CEP162: variants seen among roughly 807,000 people sequenced by gnomAD.
The protein encoded by CEP162 is centrosomal protein 162.
Under a neutral mutation model 169.2 loss-of-function variants are expected in CEP162, and 141 were observed. The observed-to-expected ratio is 0.83, with a 90% CI of 0.73 to 0.96. The LOEUF (loss-of-function observed/expected upper bound fraction) is 0.96, where lower values mean the gene tolerates loss of function less well. Among genes scored for constraint, CEP162 ranks in the 40% least tolerant of loss-of-function variants. CEP162 has a pLI of 0.00. For missense variants in CEP162, 1,600 were observed against 1,587.2 expected (o/e 1.01, Z -0.14); for synonymous variants, 540 against 526.4 (o/e 1.03, Z -0.35).
At chr6:84,145,578 G>A (rs1409883834) in intron 25 of CEP162, among the ~76,000 whole-genome samples, 2 of 151,760 alleles carry the variant, frequency 1.3e-5, no homozygotes, top group Non-Finnish European at 2.9e-5. Context: ...TTTATCTCTG[G>A]GGTTTTGTTA....
chr6:84,192,339 C>G (rs142884971), intron 11 of CEP162, among the ~76,000 whole-genome samples: 1 of 152,122 alleles, frequency 6.6e-6, no homozygotes, highest in African/African-American at 2.4e-5. Context: ...TTTAGAATTC[C>G]TATTACTGAA....
At chr6:84,137,050 G>T (rs761879985) in intron 25 of CEP162, among the ~76,000 whole-genome samples, 1 of 152,168 alleles carries the variant, frequency 6.6e-6, no homozygotes, top group Non-Finnish European at 1.5e-5. Context: ...AAGAGATATC[G>T]GTTCTTGTGG....
intron 25 of CEP162, among the ~76,000 whole-genome samples, chr6:84,129,533 GT>G (rs1209066570): frequency 1.2e-4 from 18 of 151,704 alleles, no homozygotes; most frequent in African/African-American, 3.6e-4. Flanking sequence ...TGATGGGGAT[GT>G]TTTTTTTCTT....
intron 25 of CEP162, among the ~76,000 whole-genome samples, chr6:84,127,092 G>T (rs927816809): frequency 5.9e-5 from 9 of 152,122 alleles, no homozygotes; most frequent in African/African-American, 2.2e-4. Flanking sequence ...GGGATCCAGA[G>T]ATTAAAGACA....
intron 13 of CEP162, among the ~76,000 whole-genome samples, chr6:84,180,168 T>C (rs2099534164): frequency 6.6e-6 from 1 of 152,140 alleles, no homozygotes; most frequent in African/African-American, 2.4e-5. Context: ...GCTTCATCCC[T>C]GGGATGCAAG....
In CEP162 at chr6:84,215,442, G is replaced by T; in HGVS notation, c.343C>A (p.His115Asn). 2 of 1,594,452 alleles carry T rather than the reference G, an allele frequency of 1.3e-6. No individual in the cohort carries two copies. The highest frequency in any genetic ancestry group is 8.5e-7 in the Non-Finnish European group (1 of 1,172,312). ...TNELVVSELN[H>N]SSLGVGLDTL... is the part of the protein sequence containing the mutation. The stretch of plus-strand genomic sequence containing the variant: ...TCCAATCCCACTCCGAGACTACTAT[G>T]GTTGAGCTCAGAAACTACTAGTTCT... Residue 115 changes from histidine (H) to asparagine (N), a missense_variant, in exon 5 of 27, where the codon CAT (histidine) becomes AAT (asparagine). Transcript: ENST00000403245.
In CEP162 at chr6:84,197,640, T is replaced by C. The variant is rs1337380805; in HGVS notation, c.836-2565A>G. ...CCAGCCTGGCCAACATGGTGAAACC[T>C]CGTCTCCACTAAAAAAAAATACAAA... On this transcript the variant is annotated intron_variant, in intron 9 of 26. Coordinates refer to ENST00000403245, the MANE Select transcript of CEP162 (RefSeq NM_014895.4). Among the ~76,000 whole-genome samples the C allele has an allele frequency of 8.6e-5, 13 of 151,714 alleles. 1 individual carries two copies. The highest frequency in any genetic ancestry group is 8.6e-4 in the Admixed American group (13 of 15,202).
At position 84,183,046 on chromosome 6, in the gene CEP162, A is replaced by G. The variant is rs193221114; in HGVS notation, c.1663+2141T>C. 5.6e-3 allele frequency among the ~76,000 whole-genome samples: 860 copies of G among 152,316 alleles called. 8 individuals are homozygous for G. Among genetic ancestry groups the G allele is most frequent in the Non-Finnish European group, 9.9e-3 (672 of 68,020 alleles). ...TCTGGGCAATTCTTCAATAAAAAACAGAGATTAAAAATATCATACTTAATA... is the reference window on the plus strand; with the variant it reads ...TCTGGGCAATTCTTCAATAAAAAACGGAGATTAAAAATATCATACTTAATA... On this transcript the variant is annotated intron_variant, in intron 13 of 26. Transcript: ENST00000403245.
chr6:84,191,489 T>C (rs1399595787), intron 11 of CEP162, among the ~76,000 whole-genome samples: 1 of 152,376 alleles, frequency 6.6e-6, no homozygotes, highest in East Asian at 1.9e-4. Flanking sequence ...TGCTGTGTTT[T>C]CCTCATACTT....
chr6:84,194,786 A>G (rs1177447303), intron 10 of CEP162, 98 bp downstream of exon 10: 2 of 999,062 alleles, frequency 2.0e-6, no homozygotes, highest in African/African-American at 3.3e-5. Context: ...AGAGACTGAG[A>G]AACAATCACT....
chr6:84,169,419 T>C lies in CEP162; in HGVS notation c.2294A>G (p.Lys765Arg), dbSNP rs1290544128. 4.5e-6 allele frequency: 7 copies of C among 1,568,394 alleles called. No individual in the cohort carries two copies. The highest frequency in any genetic ancestry group is 2.3e-5 in the East Asian group (1 of 43,780). Residue 765 changes from lysine (K) to arginine (R), a missense_variant, in exon 18 of 27, where the codon AAA (lysine) becomes AGA (arginine). Lys to Arg is a conservative substitution (Grantham distance 26). Coordinates refer to ENST00000403245, the MANE Select transcript of CEP162 (RefSeq NM_014895.4). ...AACTACTTGAGACAGAAAACGACTT[T>C]TGTGCATCTGTTCTCTAATTTATTT... ...EVASLKEQMH[K>R]SRFLSQVVED...
intron 25 of CEP162, among the ~76,000 whole-genome samples, chr6:84,131,034 C>T (rs897216273): frequency 1.1e-4 from 17 of 152,104 alleles, no homozygotes; most frequent in African/African-American, 3.6e-4. Flanking sequence ...TAAATGTGTC[C>T]CAGAGATTCT....
At chr6:84,225,405 T>C (rs1167498199) in intron 2 of CEP162, among the ~76,000 whole-genome samples, 3 of 152,154 alleles carry the variant, frequency 2.0e-5, no homozygotes, top group African/African-American at 4.8e-5. Context: ...AAAGTAAACA[T>C]ATGGTACAAA....
chr6:84,160,950 A>G, intron 20 of CEP162, 34 bp from the exon 21 acceptor site: 3 of 1,378,524 alleles, frequency 2.2e-6, no homozygotes, highest in Middle Eastern at 1.8e-4. Context: ...TAAGAAGCAT[A>G]TGTAAACATA....
intron 11 of CEP162, among the ~76,000 whole-genome samples, chr6:84,187,136 T>C (rs2099537513): frequency 1.3e-5 from 2 of 152,138 alleles, no homozygotes; most frequent in South Asian, 2.1e-4. Context: ...AAAATTTTAA[T>C]GTAAAACAGA....
chr6:84,170,891 G>A (rs77439119), intron 17 of CEP162, among the ~76,000 whole-genome samples: 4,282 of 152,228 alleles, frequency 0.028, 96 homozygotes, highest in Non-Finnish European at 0.04. Context: ...ATAAATGCTG[G>A]CTGAAAACAA....
chr6:84,190,811 C>T (rs972090153), intron 11 of CEP162, among the ~76,000 whole-genome samples: 2 of 152,212 alleles, frequency 1.3e-5, no homozygotes, highest in Non-Finnish European at 2.9e-5. Flanking sequence ...CAATTCCAGA[C>T]ACACTGGGAC....
intron 21 of CEP162, among the ~76,000 whole-genome samples, chr6:84,156,377 CTTAA>C (rs947112707): frequency 9.9e-5 from 15 of 151,966 alleles, no homozygotes; most frequent in Non-Finnish European, 2.2e-4. Context: ...ACAAATGGGA[CTTAA>C]TTAAATAACC....
At chr6:84,213,689 C>G (rs912768146) in intron 5 of CEP162, among the ~76,000 whole-genome samples, 1 of 152,160 alleles carries the variant, frequency 6.6e-6, no homozygotes, top group Non-Finnish European at 1.5e-5. Context: ...CAATGCTATT[C>G]TGTACTTTGA....
Sources: allele counts gnomAD v4.1 joint callset (sites outside exome capture counted in the v4.1 genomes callset), GRCh38; gene constraint gnomAD v4.1.1; transcripts MANE v1.5; gene names NCBI Gene and HGNC (gene_info 2026-07-23, HGNC 2026-07-21).